The following ADAMTS13 variants were observed in gnomAD, a reference collection of about 807,000 sequenced individuals.
ADAMTS13 encodes the protein A disintegrin and metalloproteinase with thrombospondin motifs 13.
Under a neutral mutation model 155.1 loss-of-function variants are expected in ADAMTS13, and 110 were observed. That is an observed-to-expected ratio of 0.71 (90% CI 0.61 to 0.83). The LOEUF is 0.83. Among genes scored for constraint, ADAMTS13 ranks in the 40% least tolerant of loss-of-function variants. ADAMTS13 has a pLI of 0.00. For synonymous variants in ADAMTS13, 758 were observed against 756.4 expected, an observed-to-expected ratio of 1.00 and a Z score of -0.03; for missense variants, 1,707 against 1,891.7, an observed-to-expected ratio of 0.90 and a Z score of 1.81.
At chr9:133,457,189 C>G (rs1038948752) in intron 27 of ADAMTS13, 1 of 243,926 alleles carries the variant, frequency 4.1e-6, no homozygotes, top group Non-Finnish European at 8.3e-6. Context: ...CCGTGGCCCC[C>G]TCGATATCCT....
At chr9:133,417,806 C>T (rs367819874), upstream of ADAMTS13, 178 of 1,606,694 alleles carry the variant, frequency 1.1e-4, no homozygotes, top group Middle Eastern at 1.6e-3. Context: ...CGGGGCTGCT[C>T]GGGGCGCGCT....
Position 133,439,411 on chromosome 9 carries a change from A to T in ADAMTS13, c.1751A>T (p.Tyr584Phe). ...GTTACCCCCAACCTGACCAGTGTCT[A>T]CATTGCCAACCACAGGCCTCTCTTC... ...LTVTPNLTSV[Y>F]IANHRPLFTH... The change falls in exon 15 of 29, where the codon TAC (tyrosine) becomes TTC (phenylalanine). Residue 584 changes from tyrosine (Y) to phenylalanine (F), a missense_variant. By Grantham distance (22) the Tyr-to-Phe change is conservative. Coordinates refer to ENST00000355699, the MANE Select transcript of ADAMTS13 (RefSeq NM_139027.6). 6.2e-7 allele frequency: 1 copy of T among 1,614,094 alleles called. No individual in the cohort carries two copies. The highest frequency in any genetic ancestry group is 8.5e-7 in the Non-Finnish European group (1 of 1,179,934).
Position 133,457,955 on chromosome 9 carries a change from C to A in ADAMTS13, c.3770C>A (p.Pro1257His). ...LFGPWGEIVS[P>H]SLSPATSNAG... ...GGGCCCTGGGGTGAAATCGTGAGCC[C>A]CTCGCTGAGTCCAGCCACGAGTAAT... Residue 1257 changes from proline (P) to histidine (H), a missense_variant, in exon 28 of 29, where the codon CCC (proline) becomes CAC (histidine). Around this residue, in one of 3 missense-constraint regions of ADAMTS13, gnomAD observed 961 missense variants for 1,107.9 expected, o/e 0.87. Transcript: ENST00000355699. 3 of 1,613,764 alleles carry A rather than the reference C, an allele frequency of 1.9e-6. No individual in the cohort carries two copies. The East Asian group carries it at 6.7e-5, about 36-fold the overall frequency.
chr9:133,432,510 G>A (rs1462960621), intron 8 of ADAMTS13, 78 bp from the exon 9 acceptor site: 2 of 1,253,866 alleles, frequency 1.6e-6, no homozygotes, highest in Non-Finnish European at 2.3e-6. Flanking sequence ...CAGTCTGGGA[G>A]GGACAGTTAA....
intron 24 of ADAMTS13, 143 bp downstream of exon 24, chr9:133,454,762 C>A: frequency 9.3e-7 from 1 of 1,074,124 alleles, no homozygotes; most frequent in Non-Finnish European, 1.3e-6. Context: ...GGTGAGGGGG[C>A]ACCTAGAGGC....
intron 21 of ADAMTS13, among the ~76,000 whole-genome samples, chr9:133,447,279 G>A (rs981583874): frequency 4.1e-5 from 6 of 145,912 alleles, no homozygotes; most frequent in Non-Finnish European, 7.6e-5. Context: ...AGACCAAAAA[G>A]AGATTTCTTT....
chr9:133,456,498 C>CACTGGGAGT lies in ADAMTS13; in HGVS notation c.3548-45_3548-44insACTGGGAGT, dbSNP rs782148633. 1.2e-6 allele frequency: 2 copies of CACTGGGAGT among 1,603,528 alleles called. No individual in the cohort carries two copies. The highest frequency in any genetic ancestry group is 3.4e-5 in the Admixed American group (2 of 58,790). ...TACCCTGGAGCCACTCCTCTGCTGA[C>CACTGGGAGT]CAGGCGTGGGAGTGCTGGACCCTCA... On this transcript the variant is annotated intron_variant, in intron 26 of 28. Transcript: ENST00000355699. The surrounding 1 kb of genome is among the most constrained non-coding windows in gnomAD (Gnocchi z 4.4).
At chr9:133,437,394 C>T (rs1287359239) in intron 12 of ADAMTS13, among the ~76,000 whole-genome samples, 1 of 152,112 alleles carries the variant, frequency 6.6e-6, no homozygotes, top group Non-Finnish European at 1.5e-5. Flanking sequence ...ATAGCTGGGA[C>T]TACAGGCTTG....
At chr9:133,433,805 G>C (rs1840972671) in intron 11 of ADAMTS13, 101 bp downstream of exon 11, 2 of 1,410,692 alleles carry the variant, frequency 1.4e-6, no homozygotes, top group Non-Finnish European at 2.0e-6. Context: ...CATTTGAGAA[G>C]GACATTGGGG....
At position 133,437,790 on chromosome 9, in the gene ADAMTS13, A is replaced by C. The variant is rs377220995; in HGVS notation, c.1477A>C (p.Ser493Arg). 2.2e-5 allele frequency: 36 copies of C among 1,613,798 alleles called. No homozygotes were observed. The highest frequency in any genetic ancestry group is 1.3e-4 in the East Asian group (6 of 44,880). ...ACACATGTGCCGGGCCATTGGCGAG[A>C]GCTTCATCATGAAGCGTGGAGACAG... ...CRHMCRAIGESFIMKRGDSFL... is the reference protein window; with the variant it reads ...CRHMCRAIGERFIMKRGDSFL... The change falls in exon 13 of 29, where the codon AGC becomes CGC. Residue 493 changes from serine to arginine, a missense_variant. By Grantham distance (110) the Ser-to-Arg change is moderately radical. Coordinates refer to ENST00000355699, the MANE Select transcript of ADAMTS13 (RefSeq NM_139027.6).
chr9:133,415,404 G>C (rs1839522950), intron 1 of ADAMTS13, among the ~76,000 whole-genome samples: 1 of 150,380 alleles, frequency 6.6e-6, no homozygotes, highest in Non-Finnish European at 1.5e-5. Context: ...CTGCTACACA[G>C]AAATCGCTTT....
At chr9:133,426,391 C>G in intron 6 of ADAMTS13, 46 bp downstream of exon 6, 1 of 1,597,694 alleles carries the variant, frequency 6.3e-7, no homozygotes, top group Non-Finnish European at 8.5e-7. Flanking sequence ...AAGGAGCTGA[C>G]CTGGGTACCC....
intron 11 of ADAMTS13, 106 bp downstream of exon 11, chr9:133,433,810 T>G: frequency 1.4e-6 from 2 of 1,388,834 alleles, no homozygotes; most frequent in South Asian, 2.4e-5. Flanking sequence ...GAGAAGGACA[T>G]TGGGGCCAGG....
chr9:133,445,605 T>C lies in ADAMTS13; in HGVS notation c.2611-94T>C. On this transcript the variant is annotated intron_variant, in intron 20 of 28. Coordinates refer to ENST00000355699, the MANE Select transcript of ADAMTS13 (RefSeq NM_139027.6). This position sits in a 1 kb window ranked among gnomAD's most constrained non-coding sequence, Gnocchi z 5.0. ...CCCCTGGTGCACACACGCCACTTCCTGGTCTCTCTGCTGCTGCCTGAGAAG... is the reference window on the plus strand; with the variant it reads ...CCCCTGGTGCACACACGCCACTTCCCGGTCTCTCTGCTGCTGCCTGAGAAG... 6.3e-7 allele frequency: 1 copy of C among 1,597,976 alleles called. No homozygotes were observed. Among genetic ancestry groups the C allele is most frequent in the Non-Finnish European group, 8.5e-7 (1 of 1,170,366 alleles).
chr9:133,457,902 A>C lies in ADAMTS13; in HGVS notation c.3725-8A>C. On this transcript the variant is annotated splice_region_variant and splice_polypyrimidine_tract_variant and intron_variant, in intron 27 of 28. Transcript: ENST00000355699. ...CTGGGTTCCTATGTCCCTATGTCCC[A>C]CCTGCAGAATGTGACATGCAGCTCT... 6.2e-7 allele frequency: 1 copy of C among 1,613,740 alleles called. No individual in the cohort carries two copies. The highest frequency in any genetic ancestry group is 8.5e-7 in the Non-Finnish European group (1 of 1,180,038).
At chr9:133,434,359 G>T (rs1169238812) in intron 11 of ADAMTS13, among the ~76,000 whole-genome samples, 4 of 152,136 alleles carry the variant, frequency 2.6e-5, no homozygotes, top group Non-Finnish European at 5.9e-5. Flanking sequence ...AGACTGGAGT[G>T]CAGTGGTGCT....
chr9:133,428,649 C>G lies in ADAMTS13; in HGVS notation c.702C>G (p.His234Gln). Residue 234 changes from histidine (H) to glutamine (Q), a missense_variant, in exon 7 of 29, where the codon CAC (histidine) becomes CAG (glutamine). His to Gln is a conservative substitution (Grantham distance 24, BLOSUM62 0). Around this residue, in one of 3 missense-constraint regions of ADAMTS13, gnomAD observed 733 missense variants for 749.6 expected, o/e 0.98. Coordinates refer to ENST00000355699, the MANE Select transcript of ADAMTS13 (RefSeq NM_139027.6). The stretch of plus-strand genomic sequence containing the variant: ...CCCCGACCAGCTTCGGCCTGGAGCA[C>G]GACGGCGCGCCCGGCAGCGGCTGCG... ...HEIGHSFGLEHDGAPGSGCGP... is the reference protein window; with the variant it reads ...HEIGHSFGLEQDGAPGSGCGP... The G allele has an allele frequency of 7.4e-7, 1 of 1,351,224 alleles. No homozygotes were observed. The highest frequency in any genetic ancestry group is 9.5e-7 in the Non-Finnish European group (1 of 1,047,304). The allele number at this position is 1,351,224 out of a possible 1,614,324, so 83.7% of individuals were successfully genotyped here.
chr9:133,444,522 G>C (rs975119207), intron 19 of ADAMTS13, among the ~76,000 whole-genome samples: 35 of 152,256 alleles, frequency 2.3e-4, no homozygotes, highest in African/African-American at 8.4e-4. Flanking sequence ...GCCCAGGCTG[G>C]TCTCCAACTC....
At chr9:133,418,837 T>A (rs1554782368), upstream of ADAMTS13, among the ~76,000 whole-genome samples, 1 of 152,240 alleles carries the variant, frequency 6.6e-6, no homozygotes. Flanking sequence ...GCCTGTGGAT[T>A]TTATTTCTGC....
Sources: gnomAD v4.1 joint callset for allele counts (sites outside exome capture counted in the v4.1 genomes callset) on GRCh38, gnomAD v4.1.1 for gene constraint, gnomAD v4.1.1 regional missense constraint, Gnocchi (gnomAD v3.1) non-coding constraint, MANE v1.5 for transcripts, NCBI Gene and HGNC (gene_info 2026-07-23, HGNC 2026-07-21) for gene names.